Variants in FRAS1 observed in about 807,000 individuals in gnomAD.
The protein encoded by FRAS1 is extracellular matrix organizing protein FRAS1.
In FRAS1, 290 loss-of-function variants were observed where a neutral mutation model predicts 435.2. The ratio of observed to expected loss-of-function variants is 0.67; its 90% confidence interval spans 0.61 to 0.73. FRAS1 has a LOEUF of 0.73. Among genes scored for constraint, FRAS1 ranks in the 30% least tolerant of loss-of-function variants. The probability of loss-of-function intolerance (pLI) is 0.00; values close to 1 mark genes in which losing one functional copy is unlikely to be tolerated. For missense variants in FRAS1, 4,860 were observed against 5,001.5 expected, an observed-to-expected ratio of 0.97 and a Z score of 0.85; for synonymous variants, 1,800 against 1,851.0, an observed-to-expected ratio of 0.97 and a Z score of 0.71.
chr4:78,237,026 T>A (rs1439758315), intron 2 of FRAS1, among the ~76,000 whole-genome samples: 1 of 151,972 alleles, frequency 6.6e-6, no homozygotes, highest in Non-Finnish European at 1.5e-5. Context: ...CTCAAATCCT[T>A]GTTTCTGATG....
At chr4:78,443,045 G>T (rs963656534) in intron 41 of FRAS1, among the ~76,000 whole-genome samples, 10 of 152,176 alleles carry the variant, frequency 6.6e-5, no homozygotes, top group Admixed American at 5.2e-4. Context: ...AGCTGAGTGT[G>T]ACTTATGTAT....
At chr4:78,114,970 C>T (rs533396009) in intron 2 of FRAS1, among the ~76,000 whole-genome samples, 1 of 152,198 alleles carries the variant, frequency 6.6e-6, no homozygotes, top group Non-Finnish European at 1.5e-5. Context: ...GTGGGTTTGT[C>T]ATAGATGGCT....
intron 46 of FRAS1, 55 bp from the exon 47 acceptor site, chr4:78,452,120 A>C (rs1719044829): frequency 6.4e-7 from 1 of 1,567,342 alleles, no homozygotes; most frequent in African/African-American, 1.4e-5. Flanking sequence ...GCCTAGAATT[A>C]AAGAAAGGAG....
intron 18 of FRAS1, among the ~76,000 whole-genome samples, chr4:78,319,202 T>C (rs1422307602): frequency 1.3e-5 from 2 of 152,202 alleles, no homozygotes; most frequent in Non-Finnish European, 2.9e-5. Context: ...GCTAATCCCT[T>C]CCACTCCACC....
intron 35 of FRAS1, 29 bp downstream of exon 35, chr4:78,424,449 A>T: frequency 7.7e-7 from 1 of 1,296,826 alleles, no homozygotes; most frequent in Non-Finnish European, 1.0e-6. Flanking sequence ...TTTACTAGAA[A>T]GTGAAATTTT....
intron 2 of FRAS1, chr4:78,068,608 A>T: frequency 2.2e-6 from 1 of 456,272 alleles, no homozygotes; most frequent in South Asian, 1.5e-5. Context: ...CACTGGACTT[A>T]TCATCTAATT....
rs748086781 is a variant in FRAS1 at position 78,380,003 on chromosome 4, C to CT, written c.3563+8dup. 1.9e-6 allele frequency: 3 copies of CT among 1,610,354 alleles called. No homozygotes were observed. The highest frequency in any genetic ancestry group is 2.5e-6 in the Non-Finnish European group (3 of 1,178,634). On this transcript the variant is annotated splice_region_variant and intron_variant, in intron 27 of 73. Transcript: ENST00000512123. ...ACAGCAAAGAAAAACTCAGGTGACT[C>CT]TGTGTTCTGTTGTTTTCTTCCTGCC...
chr4:78,494,009 GT>G (rs907835162), intron 59 of FRAS1, among the ~76,000 whole-genome samples: 4 of 150,440 alleles, frequency 2.7e-5, no homozygotes, highest in Middle Eastern at 3.2e-3. Context: ...TCTTATGTTT[GT>G]TTTTTTTTAT....
chr4:78,432,004 A>G (rs1217203005), intron 37 of FRAS1, among the ~76,000 whole-genome samples: 1 of 152,188 alleles, frequency 6.6e-6, no homozygotes, highest in Non-Finnish European at 1.5e-5. Flanking sequence ...TGTCATAAAG[A>G]ATAGAGGCTT....
At position 78,430,325 on chromosome 4, in the gene FRAS1, C is replaced by T. The variant is rs17003213; in HGVS notation, c.4877C>T (p.Ala1626Val). 1,281 of 1,613,850 alleles carry T rather than the reference C, an allele frequency of 7.9e-4. 10 individuals are homozygous for T. In the African/African-American group the frequency reaches 0.015, roughly 19 times the overall value. The part of the protein sequence containing the change: ...LQVVVRDAET[A>V]PKELFFELRR... ...GTGGTAGTAAGAGATGCTGAGACAG[C>T]GCCCAAAGAACTCTTCTTTGAGCTT... The change falls in exon 37 of 74, where the codon GCG (alanine) becomes GTG (valine). Residue 1626 changes from alanine to valine, a missense_variant. Ala to Val is a moderately conservative substitution (Grantham distance 64). Transcript: ENST00000512123.
intron 2 of FRAS1, among the ~76,000 whole-genome samples, chr4:78,086,248 C>T (rs188160984): frequency 6.6e-6 from 1 of 152,112 alleles, no homozygotes; most frequent in African/African-American, 2.4e-5. Flanking sequence ...ACACAACATA[C>T]CAGAATCTCT....
intron 2 of FRAS1, among the ~76,000 whole-genome samples, chr4:78,190,849 C>G (rs943603308): frequency 6.6e-6 from 1 of 152,042 alleles, no homozygotes; most frequent in African/African-American, 2.4e-5. Flanking sequence ...ACCTAACATC[C>G]AATGTGAGTA....
chr4:78,515,604 G>T (rs561980762), intron 65 of FRAS1, among the ~76,000 whole-genome samples, 195 bp from the exon 66 acceptor site: 2 of 152,172 alleles, frequency 1.3e-5, no homozygotes, highest in South Asian at 2.1e-4. Context: ...TTCAACACCT[G>T]GCAACAGCAG....
intron 48 of FRAS1, 143 bp downstream of exon 48, chr4:78,464,288 A>C (rs1200335664): frequency 3.5e-5 from 48 of 1,373,200 alleles, no homozygotes; most frequent in Middle Eastern, 2.4e-4. Context: ...CTCTGTAGCC[A>C]CCTTGGCTCT....
intron 9 of FRAS1, among the ~76,000 whole-genome samples, chr4:78,268,395 G>T (rs1025941763): frequency 6.6e-6 from 1 of 152,120 alleles, no homozygotes; most frequent in African/African-American, 2.4e-5. Context: ...AGAGGGTCTT[G>T]CTTTTTGCAG....
At chr4:78,532,724 G>A (rs1372492107) in intron 70 of FRAS1, among the ~76,000 whole-genome samples, 3 of 152,092 alleles carry the variant, frequency 2.0e-5, no homozygotes, top group Non-Finnish European at 4.4e-5. Context: ...ATATATAAGT[G>A]AAATTGTGCA....
intron 18 of FRAS1, among the ~76,000 whole-genome samples, chr4:78,323,812 A>G (rs1448474324): frequency 6.6e-6 from 1 of 152,134 alleles, no homozygotes; most frequent in African/African-American, 2.4e-5. Flanking sequence ...TCAGCCTCTG[A>G]TTCTTCTTCT....
chr4:78,425,891 T>C (rs1181664195), intron 35 of FRAS1, among the ~76,000 whole-genome samples: 1 of 152,066 alleles, frequency 6.6e-6, no homozygotes, highest in Non-Finnish European at 1.5e-5. Context: ...CTCCCAGCAC[T>C]TTGGGAGGTG....
rs373594487 is a variant in FRAS1 at position 78,163,514 on chromosome 4, A to T, written c.109-73996A>T. Among the ~76,000 whole-genome samples, 132 of 152,330 alleles carry T rather than the reference A, an allele frequency of 8.7e-4. 2 individuals are homozygous for T. In the South Asian group the frequency reaches 0.018, roughly 21 times the overall value. On this transcript the variant is annotated intron_variant, in intron 2 of 73. Coordinates refer to ENST00000512123, the MANE Select transcript of FRAS1 (RefSeq NM_025074.7). ...ATTAGTGGAGATCCACAACTTAGGA[A>T]CTGGTTTCCTTCTAAGTTATGAGCA...
Sources: allele counts gnomAD v4.1 joint callset (sites outside exome capture counted in the v4.1 genomes callset), GRCh38; gene constraint gnomAD v4.1.1; transcripts MANE v1.5; gene names NCBI Gene and HGNC (gene_info 2026-07-23, HGNC 2026-07-21).